NBEAL1: variants seen among roughly 807,000 people sequenced by gnomAD.
NBEAL1 encodes neurobeachin like 1.
In NBEAL1, 273 loss-of-function variants were observed where a neutral mutation model predicts 351.3. That is an observed-to-expected ratio of 0.78 (90% CI 0.70 to 0.86). The LOEUF is 0.86. Among genes scored for constraint, NBEAL1 ranks in the 40% least tolerant of loss-of-function variants. The probability of loss-of-function intolerance (pLI) is 0.00; values close to 1 mark genes in which losing one functional copy is unlikely to be tolerated. For missense variants in NBEAL1, 2,961 were observed against 3,201.3 expected (o/e 0.92, Z 1.81); for synonymous variants, 1,050 against 1,086.4 (o/e 0.97, Z 0.66).
chr2:203,181,619 C>G (rs757171129), intron 43 of NBEAL1: 1 of 151,966 alleles, frequency 6.6e-6, no homozygotes, highest in Non-Finnish European at 1.5e-5. Flanking sequence ...GGGTTATTAC[C>G]AACTTTTTTC....
rs1257533818 is a variant in NBEAL1, at chr2:203,224,044, A to G, written c.*6690A>G. ...CCTTTGGAAAGAATAATTCTTTTGG[A>G]ATTTTGGAATTTTGATTTTCTTAGA... On this transcript the variant is annotated 3_prime_UTR_variant, in exon 56 of 56. Transcript: ENST00000683969. Among the ~76,000 whole-genome samples the G allele has an allele frequency of 1.3e-5, 2 of 151,948 alleles. No homozygotes were observed. Among genetic ancestry groups the G allele is most frequent in the Non-Finnish European group, 1.5e-5 (1 of 67,888 alleles).
intron 24 of NBEAL1, among the ~76,000 whole-genome samples, chr2:203,128,145 C>G (rs1436310829): frequency 1.3e-5 from 2 of 151,238 alleles, no homozygotes; most frequent in Non-Finnish European, 2.9e-5. Flanking sequence ...AGTGCAGTGG[C>G]ACGATCTCGA....
chr2:203,169,620 A>G, intron 38 of NBEAL1, 127 bp from the exon 39 acceptor site: 2 of 507,158 alleles, frequency 3.9e-6, no homozygotes, highest in Non-Finnish European at 7.1e-6. Flanking sequence ...AAACAAAACA[A>G]AACACACAAC....
intron 2 of NBEAL1, among the ~76,000 whole-genome samples, chr2:203,036,893 G>A (rs2061048188): frequency 6.7e-6 from 1 of 148,912 alleles, no homozygotes; most frequent in Non-Finnish European, 1.5e-5. Context: ...TTGCCAAGAG[G>A]TAATTCTCTG....
rs540238227 is a variant in NBEAL1 at position 203,130,396 on chromosome 2, G to C, written c.3484G>C (p.Glu1162Gln). Residue 1162 changes from glutamate to glutamine, a missense_variant, in exon 25 of 56, where the codon GAA becomes CAA. Physicochemically the swap from Glu to Gln is conservative, Grantham distance 29 (BLOSUM62 2). Coordinates refer to ENST00000683969, the MANE Select transcript of NBEAL1 (RefSeq NM_001378026.1). ...AGGTCAGCTTTTCTTACTGCTTTTT[G>C]AACCAGGAAATGCTGACATACTGTA... ...TRGQLFLLLF[E>Q]PGNADILYAL... The C allele has an allele frequency of 5.9e-6, 9 of 1,534,114 alleles. No homozygotes were observed. In the South Asian group the frequency reaches 1.0e-4, roughly 17 times the overall value.
chr2:203,078,033 GAATA>G (rs1358747439), intron 8 of NBEAL1, among the ~76,000 whole-genome samples, 196 bp downstream of exon 8: 2 of 152,000 alleles, frequency 1.3e-5, no homozygotes, highest in Non-Finnish European at 2.9e-5. Context: ...TAAAATTACT[GAATA>G]AATAAACAAA....
chr2:203,030,921 G>A (rs1209066843), intron 2 of NBEAL1, among the ~76,000 whole-genome samples: 1 of 152,162 alleles, frequency 6.6e-6, no homozygotes, highest in Non-Finnish European at 1.5e-5. Context: ...AGACTGAGGT[G>A]TGAGGATCAC....
At chr2:203,103,917 C>G (rs2106221215) in intron 12 of NBEAL1, among the ~76,000 whole-genome samples, 1 of 152,202 alleles carries the variant, frequency 6.6e-6, no homozygotes, top group South Asian at 2.1e-4. Flanking sequence ...TGGTTTTGAA[C>G]AATTTTCTTA....
chr2:203,070,768 T>C (rs2061669541), intron 7 of NBEAL1, among the ~76,000 whole-genome samples: 1 of 152,096 alleles, frequency 6.6e-6, no homozygotes, highest in Non-Finnish European at 1.5e-5. Flanking sequence ...GAGAACTCTG[T>C]CATGAGAACA....
chr2:203,059,429 C>A (rs1460268197), intron 6 of NBEAL1, among the ~76,000 whole-genome samples: 1 of 152,196 alleles, frequency 6.6e-6, no homozygotes, highest in African/African-American at 2.4e-5. Flanking sequence ...ACTAAAGATC[C>A]CAGGCTAACA....
At chr2:203,210,121 G>C (rs1054673750) in intron 53 of NBEAL1, among the ~76,000 whole-genome samples, 1 of 152,024 alleles carries the variant, frequency 6.6e-6, no homozygotes, top group Non-Finnish European at 1.5e-5. Context: ...CCAGCACTTT[G>C]GGAGGCTGAG....
chr2:203,016,004 A>G (rs1386078178), intron 1 of NBEAL1, 152 bp from the exon 2 acceptor site: 2 of 159,658 alleles, frequency 1.3e-5, no homozygotes, highest in African/African-American at 4.8e-5. Context: ...GTTTTCCTGA[A>G]ACACAAGTTT....
intron 3 of NBEAL1, among the ~76,000 whole-genome samples, chr2:203,047,912 T>G (rs2061255774): frequency 6.6e-6 from 1 of 152,054 alleles, no homozygotes; most frequent in Non-Finnish European, 1.5e-5. Context: ...CTGGTTAATT[T>G]TTTTTTTTCC....
intron 54 of NBEAL1, among the ~76,000 whole-genome samples, chr2:203,211,340 G>A (rs982518604): frequency 7.9e-5 from 12 of 151,664 alleles, no homozygotes; most frequent in South Asian, 2.1e-4. Flanking sequence ...ATATTTTACC[G>A]CAATTAAAAA....
intron 55 of NBEAL1, among the ~76,000 whole-genome samples, chr2:203,216,381 T>G (rs1488994480): frequency 3.3e-5 from 5 of 152,146 alleles, no homozygotes; most frequent in Admixed American, 6.5e-5. Flanking sequence ...TCCTTATGAT[T>G]GGCATTAACA....
chr2:203,159,120 A>AC lies in NBEAL1; in HGVS notation c.5714+1298dup, dbSNP rs1466121104. Among the ~76,000 whole-genome samples the AC allele has an allele frequency of 8.1e-4, 124 of 152,192 alleles. 6 individuals carry two copies. The highest frequency in any genetic ancestry group is 6.8e-3 in the Middle Eastern group (2 of 294). On this transcript the variant is annotated intron_variant, in intron 36 of 55. Transcript: ENST00000683969. ...AGGCCACCAGAGAGTGAGCCGCTGCACCCAGCCCTCTAGTATTTCTAATAA... is the reference window on the plus strand; with the variant it reads ...AGGCCACCAGAGAGTGAGCCGCTGCACCCCAGCCCTCTAGTATTTCTAATAA...
chr2:203,206,480 G>C lies in NBEAL1; in HGVS notation c.7507-2157G>C, dbSNP rs1053624747. On this transcript the variant is annotated intron_variant, in intron 51 of 55. Coordinates refer to ENST00000683969, the MANE Select transcript of NBEAL1 (RefSeq NM_001378026.1). ...TCTGATGCCGAGCCAAAGCTGGACT[G>C]TACTGCTGCCATCTCAGCTCACTGC... 2.6e-5 allele frequency among the ~76,000 whole-genome samples: 4 copies of C among 152,164 alleles called. No homozygotes were observed. In the South Asian group the frequency reaches 8.3e-4, roughly 32 times the overall value.
rs767023619 is a variant in NBEAL1 at position 203,110,297 on chromosome 2, C to T, written c.2082+15C>T. On this transcript the variant is annotated intron_variant, in intron 15 of 55. Coordinates refer to ENST00000683969, the MANE Select transcript of NBEAL1 (RefSeq NM_001378026.1). ...ATTCCCTCTGGGTAAGGCTTTAGGGCATCACATTTAACTTCTAGTATGGTT... is the reference window on the plus strand; with the variant it reads ...ATTCCCTCTGGGTAAGGCTTTAGGGTATCACATTTAACTTCTAGTATGGTT... 64 of 1,545,328 alleles carry T rather than the reference C, an allele frequency of 4.1e-5. No individual in the cohort carries two copies. The highest frequency in any genetic ancestry group is 2.6e-6 in the Non-Finnish European group (3 of 1,145,042).
intron 44 of NBEAL1, among the ~76,000 whole-genome samples, chr2:203,184,931 T>C (rs1337767520): frequency 6.6e-6 from 1 of 150,914 alleles, no homozygotes; most frequent in East Asian, 1.9e-4. Context: ...TGGGAATGAA[T>C]GATGAATTGC....
Sources: gnomAD v4.1 joint callset for allele counts (sites outside exome capture counted in the v4.1 genomes callset) on GRCh38, gnomAD v4.1.1 for gene constraint, MANE v1.5 for transcripts, NCBI Gene and HGNC (gene_info 2026-07-23, HGNC 2026-07-21) for gene names.